PDS5A: variants seen among roughly 807,000 people sequenced by gnomAD.
PDS5A encodes sister chromatid cohesion protein PDS5 homolog A.
A neutral mutation model predicts 167.1 loss-of-function variants in PDS5A; 42 were observed. The ratio of observed to expected loss-of-function variants is 0.25; its 90% CI spans 0.20 to 0.33. The LOEUF (loss-of-function observed/expected upper bound fraction) is 0.33, where lower values mean the gene tolerates loss of function less well. PDS5A is among the 10% of genes least tolerant of loss of function. The pLI is 1.00. For missense variants in PDS5A, 1,033 were observed against 1,605.9 expected, an observed-to-expected ratio of 0.64 and a Z score of 6.10; for synonymous variants, 553 against 554.6, an observed-to-expected ratio of 1.00 and a Z score of 0.04.
At chr4:39,874,243 T>TA (rs765808332) in intron 20 of PDS5A, 46 bp downstream of exon 20, 1 of 1,537,274 alleles carries the variant, frequency 6.5e-7, no homozygotes, top group Non-Finnish European at 8.9e-7. Flanking sequence ...CTATAGAGCT[T>TA]AAAAAATAAA....
At chr4:39,886,864 G>A (rs1205040290) in intron 17 of PDS5A, among the ~76,000 whole-genome samples, 1 of 151,232 alleles carries the variant, frequency 6.6e-6, no homozygotes, top group Non-Finnish European at 1.5e-5. Context: ...TGATTATTAG[G>A]TATTTAATAT....
intron 21 of PDS5A, among the ~76,000 whole-genome samples, chr4:39,872,496 C>T (rs1249947108): frequency 6.6e-6 from 1 of 151,978 alleles, no homozygotes; most frequent in Non-Finnish European, 1.5e-5. Context: ...GAAACCCCGT[C>T]TCTACTAAAA....
At chr4:39,922,802 T>C in intron 5 of PDS5A, 54 bp from the exon 6 acceptor site, 2 of 1,354,574 alleles carry the variant, frequency 1.5e-6, no homozygotes, top group Non-Finnish European at 1.9e-6. Context: ...AGAAGAGAAT[T>C]CAAGCTTCTA....
intron 2 of PDS5A, among the ~76,000 whole-genome samples, chr4:39,935,081 C>A (rs1726463578): frequency 6.6e-6 from 1 of 152,198 alleles, no homozygotes; most frequent in Non-Finnish European, 1.5e-5. Context: ...CCTAAGAAAT[C>A]ATTACCTAAC....
At chr4:39,924,120 C>T (rs1310994581) in intron 5 of PDS5A, among the ~76,000 whole-genome samples, 3 of 152,240 alleles carry the variant, frequency 2.0e-5, no homozygotes, top group South Asian at 2.1e-4. Context: ...AGTCAGCATA[C>T]GAACAGGCCT....
intron 30 of PDS5A, among the ~76,000 whole-genome samples, chr4:39,844,453 C>T (rs1400401201): frequency 7.4e-6 from 1 of 135,766 alleles, no homozygotes; most frequent in Non-Finnish European, 1.5e-5. Context: ...CTAGCCTGGG[C>T]GGGGACAAGA....
Position 39,863,043 on chromosome 4 carries a change from CAA to C in PDS5A, c.2795_2796del (p.Phe932CysfsTer6). 6.2e-7 allele frequency: 1 copy of C among 1,613,450 alleles called. No individual in the cohort carries two copies. Among genetic ancestry groups the C allele is most frequent in the Non-Finnish European group, 8.5e-7 (1 of 1,179,578 alleles). On this transcript the variant is annotated frameshift_variant, in exon 25 of 33. Coordinates refer to ENST00000303538, the MANE Select transcript of PDS5A (RefSeq NM_001100399.2). LOFTEE classifies it high-confidence loss of function. ...ACAAGTGCCTTATGCAGCTTCTGAG[CAA>C]ATATCTGCCTTACTTGGTAACACTC... ...NDECYQVRQIFAQKLHKALVK... is the reference protein window; with the variant it reads ...NDECYQVRQIXAQKLHKALVK...
At chr4:39,884,638 G>A (rs943233481) in intron 17 of PDS5A, among the ~76,000 whole-genome samples, 1 of 151,406 alleles carries the variant, frequency 6.6e-6, no homozygotes, top group Non-Finnish European at 1.5e-5. Context: ...CCCCTCCTTA[G>A]CCCCTCTTTG....
chr4:39,844,580 T>G (rs1717407899), intron 30 of PDS5A, 76 bp downstream of exon 30: 14 of 1,109,696 alleles, frequency 1.3e-5, no homozygotes, highest in Non-Finnish European at 1.7e-5. Context: ...GACCATTTTA[T>G]GAGACAGCAC....
chr4:39,970,790 C>CTTTTTT (rs35223238), intron 2 of PDS5A, among the ~76,000 whole-genome samples: 6 of 88,486 alleles, frequency 6.8e-5, no homozygotes, highest in African/African-American at 8.5e-5. Flanking sequence ...CCGCTTGTTC[C>CTTTTTT]TTTTTTTTTT....
At chr4:39,959,910 G>A (rs916120137) in intron 2 of PDS5A, among the ~76,000 whole-genome samples, 6 of 151,972 alleles carry the variant, frequency 3.9e-5, no homozygotes, top group Non-Finnish European at 8.8e-5. Flanking sequence ...CCAACACAGT[G>A]AAACCCCGCC....
At chr4:39,972,960 T>A (rs1578858084) in intron 2 of PDS5A, among the ~76,000 whole-genome samples, 1 of 152,134 alleles carries the variant, frequency 6.6e-6, no homozygotes, top group African/African-American at 2.4e-5. Context: ...GGACTAATAT[T>A]ATGTTTGCTA....
At chr4:39,897,707 A>T (rs886470190) in intron 16 of PDS5A, among the ~76,000 whole-genome samples, 1 of 152,104 alleles carries the variant, frequency 6.6e-6, no homozygotes, top group Non-Finnish European at 1.5e-5. Context: ...CCTCCAAAAA[A>T]TTTAAAAACT....
Position 39,977,201 on chromosome 4 carries a change from C to T in PDS5A, c.-41+256G>A, listed in dbSNP as rs1054628977. Among the ~76,000 whole-genome samples, 2 of 152,080 alleles carry T rather than the reference C, an allele frequency of 1.3e-5. No individual in the cohort carries two copies. The highest frequency in any genetic ancestry group is 2.9e-5 in the Non-Finnish European group (2 of 67,980). On this transcript the variant is annotated intron_variant, in intron 1 of 32. Transcript: ENST00000303538. The surrounding 1 kb of genome is among the most constrained non-coding windows in gnomAD (Gnocchi z 4.2). ...CCGCGGGAGGGGAAAACAAGCCGCC[C>T]TCCACCCTCAGCCCCACGCCAGGAA...
At chr4:39,899,460 G>A (rs897471006) in intron 14 of PDS5A, among the ~76,000 whole-genome samples, 6 of 152,060 alleles carry the variant, frequency 3.9e-5, no homozygotes, top group South Asian at 4.1e-4. Flanking sequence ...TTTATTTATC[G>A]TGTATGACTA....
At chr4:39,925,979 T>C (rs1221004335) in intron 4 of PDS5A, 46 bp from the exon 5 acceptor site, 1 of 570,454 alleles carries the variant, frequency 1.8e-6, no homozygotes, top group East Asian at 3.6e-5. Context: ...ATATACAGAA[T>C]AGTTATATAA....
intron 8 of PDS5A, among the ~76,000 whole-genome samples, 196 bp downstream of exon 8, chr4:39,916,852 G>A (rs2109701624): frequency 6.6e-6 from 1 of 151,344 alleles, no homozygotes; most frequent in East Asian, 1.9e-4. Flanking sequence ...AGCAATAACA[G>A]CAAAACTCCG....
intron 2 of PDS5A, among the ~76,000 whole-genome samples, chr4:39,953,772 TA>T (rs1351528706): frequency 2.0e-5 from 3 of 152,098 alleles, no homozygotes; most frequent in Admixed American, 2.0e-4. Flanking sequence ...TTGTAAAATA[TA>T]AAACACTGAA....
chr4:39,877,586 A>C (rs1720565728), intron 18 of PDS5A, among the ~76,000 whole-genome samples: 2 of 152,114 alleles, frequency 1.3e-5, no homozygotes, highest in Admixed American at 1.3e-4. Context: ...CAAAATGCAA[A>C]CTCAGAGCTT....
Sources: gnomAD v4.1 joint callset for allele counts (sites outside exome capture counted in the v4.1 genomes callset) on GRCh38, gnomAD v4.1.1 for gene constraint, Gnocchi (gnomAD v3.1) non-coding constraint, MANE v1.5 for transcripts, NCBI Gene and HGNC (gene_info 2026-07-23, HGNC 2026-07-21) for gene names.